CERS3: variants seen among roughly 807,000 people sequenced by gnomAD.
CERS3 encodes LAG1 homolog, ceramide synthase 3.
In CERS3, 33 loss-of-function variants were observed where a neutral mutation model predicts 50.3. That is an observed-to-expected ratio of 0.66 (90% CI 0.50 to 0.88). The LOEUF is 0.88. Ranked by LOEUF, CERS3 falls within the 40% of genes least tolerant of loss-of-function variation. The probability of loss-of-function intolerance (pLI) is 0.00; values close to 1 mark genes in which losing one functional copy is unlikely to be tolerated. For synonymous variants in CERS3, 176 were observed against 155.2 expected, an observed-to-expected ratio of 1.13 and a Z score of -0.99; for missense variants, 470 against 460.3, an observed-to-expected ratio of 1.02 and a Z score of -0.19.
intron 3 of CERS3, among the ~76,000 whole-genome samples, chr15:100,495,684 T>A (rs940999430): frequency 5.3e-5 from 8 of 152,206 alleles, no homozygotes; most frequent in Admixed American, 2.0e-4. Flanking sequence ...ATTTAAGTCC[T>A]TTATCAGATA....
chr15:100,537,958 C>T (rs1415496052), intron 1 of CERS3, among the ~76,000 whole-genome samples: 1 of 152,202 alleles, frequency 6.6e-6, no homozygotes, highest in Non-Finnish European at 1.5e-5. Context: ...AATGGTGGTA[C>T]AGGCATTGGG....
At chr15:100,508,378 G>A (rs922059318) in intron 2 of CERS3, among the ~76,000 whole-genome samples, 2 of 151,958 alleles carry the variant, frequency 1.3e-5, no homozygotes, top group Non-Finnish European at 2.9e-5. Context: ...AAAGATGCTT[G>A]GTAGATGAAA....
intron 11 of CERS3, among the ~76,000 whole-genome samples, chr15:100,425,814 C>T (rs2032775943): frequency 6.6e-6 from 1 of 152,074 alleles, no homozygotes; most frequent in Non-Finnish European, 1.5e-5. Flanking sequence ...GTGTCCCCAC[C>T]TAAATCTCAT....
At chr15:100,440,789 T>C (rs2654596) in intron 11 of CERS3, among the ~76,000 whole-genome samples, 39,187 of 152,136 alleles carry the variant, frequency 0.26, 5,338 homozygotes, top group East Asian at 0.41. Context: ...TTCTCGAACC[T>C]CTCTCGCTAT....
intron 2 of CERS3, among the ~76,000 whole-genome samples, chr15:100,502,408 A>G (rs1418641805): frequency 6.6e-6 from 1 of 152,212 alleles, no homozygotes; most frequent in Non-Finnish European, 1.5e-5. Flanking sequence ...CTCAAGTTTA[A>G]CACATCACTA....
intron 7 of CERS3, among the ~76,000 whole-genome samples, chr15:100,477,035 G>T (rs2035149016): frequency 6.6e-6 from 1 of 152,166 alleles, no homozygotes; most frequent in African/African-American, 2.4e-5. Context: ...TCCCTAGCCG[G>T]CCTCCCAATT....
intron 3 of CERS3, among the ~76,000 whole-genome samples, chr15:100,500,745 CTG>C (rs2035971707): frequency 6.6e-6 from 1 of 152,200 alleles, no homozygotes; most frequent in South Asian, 2.1e-4. Flanking sequence ...GAATAGCACG[CTG>C]TTGGCCCCAG....
At chr15:100,506,463 C>CCCCCT (rs1555533156) in intron 2 of CERS3, among the ~76,000 whole-genome samples, 1 of 14,822 alleles carries the variant, frequency 6.7e-5, no homozygotes, top group Admixed American at 3.6e-4. Flanking sequence ...AAATCGGGAC[C>CCCCCT]CCCCCGCCGC....
intron 2 of CERS3, among the ~76,000 whole-genome samples, chr15:100,513,478 C>T (rs989690454): frequency 1.3e-5 from 2 of 152,040 alleles, no homozygotes; most frequent in Admixed American, 1.3e-4. Flanking sequence ...TGTGATACTG[C>T]AACTGTGAGG....
chr15:100,482,539 T>C (rs889134328), intron 5 of CERS3, among the ~76,000 whole-genome samples: 1 of 152,132 alleles, frequency 6.6e-6, no homozygotes, highest in African/African-American at 2.4e-5. Flanking sequence ...TGTTCCTTCT[T>C]ATTGCTAGGT....
chr15:100,466,438 A>G (rs571270649), intron 10 of CERS3, among the ~76,000 whole-genome samples: 2 of 152,302 alleles, frequency 1.3e-5, no homozygotes, highest in Non-Finnish European at 2.9e-5. Context: ...TCCCATCAAG[A>G]AATGGAGTCT....
chr15:100,523,352 T>G (rs1253174561), intron 1 of CERS3, among the ~76,000 whole-genome samples: 1 of 152,198 alleles, frequency 6.6e-6, no homozygotes, highest in Non-Finnish European at 1.5e-5. Context: ...GAAGTCCTTA[T>G]TTTTAACATA....
chr15:100,431,541 T>C (rs577943159), intron 11 of CERS3, among the ~76,000 whole-genome samples: 21 of 152,334 alleles, frequency 1.4e-4, no homozygotes, highest in African/African-American at 4.6e-4. Context: ...GTTGAGGTCA[T>C]GCCAATTGAC....
At chr15:100,430,243 C>T (rs926635545) in intron 11 of CERS3, among the ~76,000 whole-genome samples, 18 of 151,278 alleles carry the variant, frequency 1.2e-4, no homozygotes, top group Middle Eastern at 3.4e-3. Flanking sequence ...ACCCGGGAGG[C>T]GGAGCTTGCA....
chr15:100,432,603 C>A (rs900005040), intron 11 of CERS3, among the ~76,000 whole-genome samples: 1 of 152,112 alleles, frequency 6.6e-6, no homozygotes, highest in Non-Finnish European at 1.5e-5. Flanking sequence ...ATGAGTCAGA[C>A]CACATCTAGA....
intron 3 of CERS3, among the ~76,000 whole-genome samples, chr15:100,497,306 ATGTGTGTG>A (rs139734142): frequency 8.2e-5 from 12 of 145,864 alleles, no homozygotes; most frequent in Admixed American, 2.1e-4. Context: ...GCATATATGT[ATGTGTGTG>A]TGTGTGTGTG....
intron 3 of CERS3, among the ~76,000 whole-genome samples, chr15:100,493,647 T>C (rs2142306300): frequency 6.6e-6 from 1 of 152,310 alleles, no homozygotes; most frequent in East Asian, 1.9e-4. Context: ...TCTCTCCTTC[T>C]GGAATTCCCA....
At chr15:100,442,816 GCC>G (rs2033740615) in intron 11 of CERS3, among the ~76,000 whole-genome samples, 1 of 150,518 alleles carries the variant, frequency 6.6e-6, no homozygotes, top group African/African-American at 2.5e-5. Flanking sequence ...ACGCCGAGCT[GCC>G]AGTAACTCTC....
At chr15:100,416,646 G>A (rs997928218) in intron 11 of CERS3, among the ~76,000 whole-genome samples, 1 of 152,126 alleles carries the variant, frequency 6.6e-6, no homozygotes, top group Admixed American at 6.5e-5. Context: ...AGCAATAAAG[G>A]AGGAAGAGCC....
Sources: gnomAD v4.1 joint callset for allele counts (sites outside exome capture counted in the v4.1 genomes callset) on GRCh38, gnomAD v4.1.1 for gene constraint, MANE v1.5 for transcripts, NCBI Gene and HGNC (gene_info 2026-07-23, HGNC 2026-07-21) for gene names.